FAP: variants seen among roughly 807,000 people sequenced by gnomAD.
FAP encodes prolyl endopeptidase FAP.
In FAP, 110 loss-of-function variants were observed where a neutral mutation model predicts 126.5. The ratio of observed to expected loss-of-function variants is 0.87; its 90% confidence interval spans 0.74 to 1.02. The LOEUF is 1.02. Ranked by LOEUF, FAP falls within the 50% of genes least tolerant of loss-of-function variation. The pLI, the probability that FAP is intolerant of heterozygous loss-of-function variation, is 0.00. For synonymous variants in FAP, 334 were observed against 297.3 expected (o/e 1.12, Z -1.27); for missense variants, 919 against 909.2 (o/e 1.01, Z -0.14).
chr2:162,198,086 A>G (rs1442961189), intron 16 of FAP: 1 of 945,220 alleles, frequency 1.1e-6, no homozygotes, highest in African/African-American at 1.8e-5. Context: ...ATGGGTAGAA[A>G]TTATTCATTA....
At chr2:162,210,142 A>G (rs186343421) in intron 11 of FAP, 146 bp from the exon 12 acceptor site, 1 of 650,284 alleles carries the variant, frequency 1.5e-6, no homozygotes, top group East Asian at 2.7e-5. Context: ...TTAAAAGGAC[A>G]ATATTAAAAA....
At chr2:162,210,184 G>T (rs905459246) in intron 11 of FAP, among the ~76,000 whole-genome samples, 188 bp from the exon 12 acceptor site, 15 of 152,142 alleles carry the variant, frequency 9.9e-5, no homozygotes, top group African/African-American at 3.6e-4. Flanking sequence ...TATATACATG[G>T]GTAATTTTAT....
chr2:162,206,594 T>C (rs1352987921), intron 12 of FAP, among the ~76,000 whole-genome samples: 3 of 152,206 alleles, frequency 2.0e-5, no homozygotes, highest in Non-Finnish European at 2.9e-5. Flanking sequence ...TATTTTAAAA[T>C]AATTGATGTG....
chr2:162,203,426 A>G (rs146260570), intron 12 of FAP, among the ~76,000 whole-genome samples: 127 of 152,320 alleles, frequency 8.3e-4, no homozygotes, highest in Admixed American at 6.7e-3. Flanking sequence ...GTCGAAGGTT[A>G]TGTGGTTTGA....
chr2:162,170,852 T>G lies in FAP; in HGVS notation c.*127A>C, dbSNP rs1576125366. ...AGTCCTCATCTTTTTTTTAACAGCCTTTAGAACAACATTAATTTGTTTGTT... is the reference window on the plus strand; with the variant it reads ...AGTCCTCATCTTTTTTTTAACAGCCGTTAGAACAACATTAATTTGTTTGTT... On this transcript the variant is annotated 3_prime_UTR_variant, in exon 26 of 26. Coordinates refer to ENST00000188790, the MANE Select transcript of FAP (RefSeq NM_004460.5). The G allele has an allele frequency of 1.5e-6, 1 of 679,490 alleles. No individual in the cohort carries two copies. The highest frequency in any genetic ancestry group is 2.7e-5 in the East Asian group (1 of 37,084). The allele number at this position is 679,490 out of a possible 1,614,324, so 42.1% of individuals were successfully genotyped here. A position where few individuals can be genotyped will look rare whatever the true frequency, so the allele number is the denominator to read the frequency against.
chr2:162,192,215 C>A (rs1688072854), intron 17 of FAP, among the ~76,000 whole-genome samples: 1 of 152,116 alleles, frequency 6.6e-6, no homozygotes, highest in Admixed American at 6.6e-5. Flanking sequence ...CTTATGCAGA[C>A]CTAATTTTGC....
At chr2:162,205,033 C>T (rs986478202) in intron 12 of FAP, among the ~76,000 whole-genome samples, 2 of 152,088 alleles carry the variant, frequency 1.3e-5, no homozygotes, top group Non-Finnish European at 2.9e-5. Flanking sequence ...CCAATGAGGC[C>T]GACTCCTAGT....
intron 21 of FAP, among the ~76,000 whole-genome samples, chr2:162,180,080 T>A (rs993346138): frequency 3.3e-5 from 5 of 151,908 alleles, no homozygotes; most frequent in African/African-American, 1.2e-4. Flanking sequence ...GTACTGGGAT[T>A]ACAGGCATGA....
intron 15 of FAP, among the ~76,000 whole-genome samples, chr2:162,200,273 G>A (rs1193786892): frequency 1.3e-5 from 2 of 152,168 alleles, no homozygotes; most frequent in Non-Finnish European, 2.9e-5. Flanking sequence ...ATAAAGAAAT[G>A]TCCTCAATTA....
At chr2:162,197,640 G>T (rs776490723) in intron 16 of FAP, 4 of 456,664 alleles carry the variant, frequency 8.8e-6, no homozygotes, top group South Asian at 4.6e-5. Context: ...CAAATGAGCT[G>T]CAGCTCAGGT....
rs1689057385 is a variant in FAP at position 162,213,824 on chromosome 2, G to T, written c.1002+114C>A. 6 of 990,884 alleles carry T rather than the reference G, an allele frequency of 6.1e-6. No individual in the cohort carries two copies. In the East Asian group the frequency reaches 1.6e-4, roughly 26 times the overall value. 61.4% of individuals were successfully genotyped at this position (990,884 alleles called of 1,614,324 possible). ...TGAGTGTGTTTTTGCAAAGCAGTTG[G>T]CAGTTGAATGCAGTAATCCTGGCTT... On this transcript the variant is annotated intron_variant, in intron 11 of 25. Coordinates refer to ENST00000188790, the MANE Select transcript of FAP (RefSeq NM_004460.5).
At chr2:162,194,570 T>C (rs911729006) in intron 17 of FAP, 131 bp downstream of exon 17, 52 of 740,430 alleles carry the variant, frequency 7.0e-5, no homozygotes, top group Non-Finnish European at 1.1e-4. Context: ...CAATAATAAG[T>C]GATGTGATAA....
At chr2:162,210,266 G>A (rs1291556259) in intron 11 of FAP, among the ~76,000 whole-genome samples, 3 of 152,170 alleles carry the variant, frequency 2.0e-5, no homozygotes, top group Admixed American at 6.5e-5. Flanking sequence ...CATCTATGGA[G>A]GCCCAGCACA....
At chr2:162,209,213 T>C (rs1688829872) in intron 12 of FAP, among the ~76,000 whole-genome samples, 3 of 152,140 alleles carry the variant, frequency 2.0e-5, no homozygotes, top group African/African-American at 7.2e-5. Context: ...GTCCAAATCT[T>C]AGAGAAGTAG....
At chr2:162,185,890 T>A (rs1687853656) in intron 20 of FAP, among the ~76,000 whole-genome samples, 1 of 152,138 alleles carries the variant, frequency 6.6e-6, no homozygotes, top group Admixed American at 6.6e-5. Context: ...TTATTCTGAG[T>A]CTATCCTATT....
At chr2:162,176,467 A>AGATAT (rs1171566483) in intron 21 of FAP, 1 of 152,164 alleles carries the variant, frequency 6.6e-6, no homozygotes, top group African/African-American at 2.4e-5. Flanking sequence ...GTATATTTTA[A>AGATAT]AAACAGAAGA....
intron 9 of FAP, among the ~76,000 whole-genome samples, chr2:162,217,281 A>G (rs1181672391): frequency 1.3e-5 from 2 of 152,312 alleles, no homozygotes; most frequent in East Asian, 3.9e-4. Context: ...CTAAAATCGC[A>G]TCCGATTCCT....
At chr2:162,200,674 G>GTTAGTATTGATACTATA in intron 14 of FAP, 55 bp from the exon 15 acceptor site, 4 of 813,564 alleles carry the variant, frequency 4.9e-6, no homozygotes, top group Non-Finnish European at 7.9e-6. Context: ...TAATAGGATT[G>GTTAGTATTGATACTATA]TTAGTATTAA....
Position 162,194,747 on chromosome 2 carries a change from G to A in FAP, c.1404C>T (p.Gly468=). Residue 468 remains glycine (G), a splice_region_variant and synonymous_variant, in exon 17 of 26, where the codon GGC becomes GGT. Transcript: ENST00000188790. ...YAKYYALVCY[G]PGIPISTLHD... Reference sequence around the variant, plus strand: ...GAAGGGTGGAAATGGGGATGCCTGGGCCTGTGGGCAGGATGAAAACAAAAT... The same window carrying A: ...GAAGGGTGGAAATGGGGATGCCTGGACCTGTGGGCAGGATGAAAACAAAAT... 6.2e-7 allele frequency: 1 copy of A among 1,613,492 alleles called. No homozygotes were observed. The highest frequency in any genetic ancestry group is 8.5e-7 in the Non-Finnish European group (1 of 1,179,572).
Sources: allele counts gnomAD v4.1 joint callset (sites outside exome capture counted in the v4.1 genomes callset), GRCh38; gene constraint gnomAD v4.1.1; transcripts MANE v1.5; gene names NCBI Gene and HGNC (gene_info 2026-07-23, HGNC 2026-07-21).